Variants in NAV1 observed in about 807,000 individuals in gnomAD.
NAV1 encodes pore membrane and/or filament interacting like protein 3.
NAV1 carries 18 observed loss-of-function variants against 175.2 expected under a neutral mutation model. That is an observed-to-expected ratio of 0.10 (90% CI 0.07 to 0.15). The LOEUF (loss-of-function observed/expected upper bound fraction) is 0.15. NAV1 is among the 10% of genes least tolerant of loss of function. The pLI is 1.00. For synonymous variants in NAV1, 897 were observed against 978.7 expected, an observed-to-expected ratio of 0.92 and a Z score of 1.56; for missense variants, 1,731 against 2,436.6, an observed-to-expected ratio of 0.71 and a Z score of 6.10.
intron 3 of NAV1, among the ~76,000 whole-genome samples, chr1:201,725,386 C>G (rs1036494521): frequency 3.9e-5 from 6 of 152,206 alleles, no homozygotes; most frequent in African/African-American, 1.4e-4. Flanking sequence ...AGGGGGCCAT[C>G]CTCGGGAGGA....
intron 1 of NAV1, among the ~76,000 whole-genome samples, chr1:201,679,846 A>G (rs934016088): frequency 3.9e-5 from 6 of 152,244 alleles, no homozygotes; most frequent in Non-Finnish European, 8.8e-5. Context: ...TCATTCCTAT[A>G]TAAATCATAA....
Position 201,817,902 on chromosome 1 carries a change from A to C in NAV1, c.5538+617A>C, listed in dbSNP as rs192265947. On this transcript the variant is annotated intron_variant, in intron 29 of 29. Transcript: ENST00000367296. Reference sequence around the variant, plus strand: ...AGCCAGAAAAAGACTGGTATCTAAAATATCTAAAATTTCCAAACAGAAGAA... The same window carrying C: ...AGCCAGAAAAAGACTGGTATCTAAACTATCTAAAATTTCCAAACAGAAGAA... Among the ~76,000 whole-genome samples, 166 of 152,230 alleles carry C rather than the reference A, an allele frequency of 1.1e-3. 1 individual carries two copies. The highest frequency in any genetic ancestry group is 2.1e-3 in the Non-Finnish European group (142 of 68,012).
At chr1:201,769,485 T>A (rs998838849) in intron 3 of NAV1, among the ~76,000 whole-genome samples, 6 of 152,236 alleles carry the variant, frequency 3.9e-5, no homozygotes, top group Non-Finnish European at 8.8e-5. Flanking sequence ...TTTGATAGAA[T>A]ACAGTGCATA....
At chr1:201,685,574 G>A (rs1051338516) in intron 1 of NAV1, among the ~76,000 whole-genome samples, 2 of 152,118 alleles carry the variant, frequency 1.3e-5, no homozygotes, top group African/African-American at 4.8e-5. Flanking sequence ...TTCCTGATGT[G>A]AGGCCAGACT....
At chr1:201,783,771 C>T in exon 7 of NAV1, 1 of 1,614,196 alleles carries the variant, frequency 6.2e-7, no homozygotes, top group Non-Finnish European at 8.5e-7. Flanking sequence ...CCCACCCCAC[C>T]TGCTCCCCCT....
chr1:201,812,424 C>A lies in NAV1; in HGVS notation c.5025-41C>A. On this transcript the variant is annotated intron_variant, in intron 26 of 29. Coordinates refer to ENST00000367296, the Ensembl canonical transcript of NAV1. The surrounding 1 kb of genome is among the most constrained non-coding windows in gnomAD (Gnocchi z 4.6). ...AGGGGCTGAACCCTGACAATGTCCC[C>A]ATTGCCACTCTGACCCCACTTTCCC... The A allele has an allele frequency of 6.3e-7, 1 of 1,595,494 alleles. No individual in the cohort carries two copies. The highest frequency in any genetic ancestry group is 8.6e-7 in the Non-Finnish European group (1 of 1,165,138).
chr1:201,634,760 G>A (rs557728937), intron 2 of NAV1, among the ~76,000 whole-genome samples: 1 of 152,262 alleles, frequency 6.6e-6, no homozygotes, highest in African/African-American at 2.4e-5. Context: ...AGCAGAAGCT[G>A]GTCAGCTTGG....
At chr1:201,715,802 G>A (rs1672117721) in intron 2 of NAV1, among the ~76,000 whole-genome samples, 1 of 152,198 alleles carries the variant, frequency 6.6e-6, no homozygotes, top group Non-Finnish European at 1.5e-5. Flanking sequence ...TTACTCCTGT[G>A]CTGCTTCCTC....
At chr1:201,785,404 T>G in intron 8 of NAV1, 53 bp downstream of exon 12, 4 of 1,555,764 alleles carry the variant, frequency 2.6e-6, no homozygotes, top group Non-Finnish European at 3.5e-6. Flanking sequence ...CTGGTATGTA[T>G]GAAAAATCAT....
chr1:201,695,795 A>G (rs1414252720), intron 1 of NAV1, among the ~76,000 whole-genome samples: 1 of 152,064 alleles, frequency 6.6e-6, no homozygotes, highest in Admixed American at 6.5e-5. Context: ...TAGGGGTCCA[A>G]AGGCTCCCCA....
intron 15 of NAV1, among the ~76,000 whole-genome samples, chr1:201,799,583 G>A (rs1471266865): frequency 1.3e-5 from 2 of 152,088 alleles, no homozygotes; most frequent in Non-Finnish European, 2.9e-5. Context: ...CATAGGGTCA[G>A]GTGCGGTGGC....
chr1:201,693,863 T>G (rs1248277445), intron 1 of NAV1, among the ~76,000 whole-genome samples: 1 of 152,150 alleles, frequency 6.6e-6, no homozygotes, highest in East Asian at 1.9e-4. Context: ...TGAGAGATGC[T>G]GAAGTCTCAT....
At chr1:201,784,950 A>C (rs1676619555) in intron 7 of NAV1, among the ~76,000 whole-genome samples, 1 of 152,008 alleles carries the variant, frequency 6.6e-6, no homozygotes. Flanking sequence ...TTGTATTTTT[A>C]GTAGAGACGA....
At chr1:201,777,054 T>A (rs934699497) in intron 3 of NAV1, among the ~76,000 whole-genome samples, 1 of 152,216 alleles carries the variant, frequency 6.6e-6, no homozygotes, top group Non-Finnish European at 1.5e-5. Flanking sequence ...CAGCTTAGAA[T>A]TCTGTGGCTA....
intron 17 of NAV1, among the ~76,000 whole-genome samples, chr1:201,806,408 C>T (rs1037677394): frequency 3.3e-5 from 5 of 152,208 alleles, no homozygotes; most frequent in African/African-American, 1.2e-4. Context: ...CCACTAGCCA[C>T]ATAACACCAA....
At chr1:201,770,304 A>G (rs762229266) in intron 3 of NAV1, among the ~76,000 whole-genome samples, 84 of 152,168 alleles carry the variant, frequency 5.5e-4, no homozygotes, top group Non-Finnish European at 1.0e-3. Context: ...TTCATCCTAC[A>G]GAGGAGATGG....
At chr1:201,572,481 GC>G (rs769627983) in intron 1 of NAV1, among the ~76,000 whole-genome samples, 1 of 149,128 alleles carries the variant, frequency 6.7e-6, no homozygotes, top group South Asian at 2.1e-4. Flanking sequence ...CAATTCTTCT[GC>G]CTCAGCCTCC....
intron 13 of NAV1, chr1:201,791,484 G>A (rs1250045799): frequency 2.4e-5 from 2 of 81,808 alleles, no homozygotes; most frequent in African/African-American, 1.0e-4. Context: ...TTTCTCCCCT[G>A]TGACTGAGTT....
At chr1:201,633,145 A>C (rs1383783699) in intron 2 of NAV1, among the ~76,000 whole-genome samples, 3 of 152,190 alleles carry the variant, frequency 2.0e-5, no homozygotes, top group Non-Finnish European at 4.4e-5. Context: ...AGAGAAGAGA[A>C]GTGACTTGCT....
Sources: allele counts gnomAD v4.1 joint callset (sites outside exome capture counted in the v4.1 genomes callset), GRCh38; gene constraint gnomAD v4.1.1; non-coding constraint Gnocchi (gnomAD v3.1); transcripts MANE v1.5; gene names NCBI Gene and HGNC (gene_info 2026-07-23, HGNC 2026-07-21).